The following EEF1AKMT1 variants were observed in gnomAD, a reference collection of about 807,000 sequenced individuals.
EEF1AKMT1 encodes the protein N-6 adenine-specific DNA methyltransferase 2 (putative).
EEF1AKMT1 carries 18 observed loss-of-function variants against 21.0 expected under a neutral mutation model. That is an observed-to-expected ratio of 0.86 (90% CI 0.59 to 1.27). The LOEUF (loss-of-function observed/expected upper bound fraction) is 1.27, where lower values mean the gene tolerates loss of function less well. EEF1AKMT1 is among the 50% of genes most tolerant of loss of function. The pLI, the probability that EEF1AKMT1 is intolerant of heterozygous loss-of-function variation, is 0.00. For synonymous variants in EEF1AKMT1, 109 were observed against 94.8 expected, an observed-to-expected ratio of 1.15 and a Z score of -0.87; for missense variants, 246 against 258.6, an observed-to-expected ratio of 0.95 and a Z score of 0.33.
chr13:20,730,953 A>T (rs911273832), intron 4 of EEF1AKMT1, among the ~76,000 whole-genome samples: 1 of 152,168 alleles, frequency 6.6e-6, no homozygotes, highest in Non-Finnish European at 1.5e-5. Context: ...TGTAACACAT[A>T]CCGCAAGGGT....
chr13:20,754,741 C>CA (rs56777421), intron 2 of EEF1AKMT1, among the ~76,000 whole-genome samples: 1,730 of 116,484 alleles, frequency 0.015, 13 homozygotes, highest in Middle Eastern at 0.022. Flanking sequence ...ACCAAAAATA[C>CA]AAAAAAAAAA....
In EEF1AKMT1 at chr13:20,764,279, G is replaced by A. The variant is rs200393527; in HGVS notation, c.-19-6662C>T. On this transcript the variant is annotated intron_variant, in intron 1 of 4. Coordinates refer to ENST00000382758, the MANE Select transcript of EEF1AKMT1 (RefSeq NM_001318939.2). ...TTCACCCATTTTCATTCAGTTCAGT[G>A]TACTTTTAAATTTCTCTCTGGCCCA... Among the ~76,000 whole-genome samples, 55 of 152,168 alleles carry A rather than the reference G, an allele frequency of 3.6e-4. No individual in the cohort carries two copies. The East Asian group carries it at 8.7e-3, about 24-fold the overall frequency.
Position 20,737,765 on chromosome 13 carries a change from T to C in EEF1AKMT1, c.185A>G (p.Gln62Arg). ...AGCTGCAATTGCCTCCTGTGCCAGCTGCAGAGCAGTTTCCTGACTATACCA... is the reference window on the plus strand; with the variant it reads ...AGCTGCAATTGCCTCCTGTGCCAGCCGCAGAGCAGTTTCCTGACTATACCA... ...QFWYSQETAL[Q>R]LAQEAIAAVG... The change falls in exon 3 of 5, where the codon CAG becomes CGG. Residue 62 changes from glutamine to arginine, a missense_variant. Physicochemically the swap from Gln to Arg is conservative, Grantham distance 43. Transcript: ENST00000382758. The C allele has an allele frequency of 6.2e-7, 1 of 1,613,134 alleles. No individual in the cohort carries two copies.
intron 2 of EEF1AKMT1, 79 bp downstream of exon 2, chr13:20,757,376 G>A (rs879448489): frequency 8.7e-5 from 132 of 1,518,400 alleles, no homozygotes; most frequent in Non-Finnish European, 1.1e-4. Context: ...TTTTAGGTGA[G>A]ACAGACAAAC....
At position 20,763,763 on chromosome 13, in the gene EEF1AKMT1, T is replaced by A. The variant is rs571489789; in HGVS notation, c.-19-6146A>T. 5.3e-5 allele frequency among the ~76,000 whole-genome samples: 8 copies of A among 152,272 alleles called. No homozygotes were observed. In the South Asian group the frequency reaches 1.7e-3, roughly 32 times the overall value. ...CCACCATGCCTGGCCTGAAAATTTCTTGTATGAGAGGCCTTTAACTGCAAA... is the reference window on the plus strand; with the variant it reads ...CCACCATGCCTGGCCTGAAAATTTCATGTATGAGAGGCCTTTAACTGCAAA... On this transcript the variant is annotated intron_variant, in intron 1 of 4. Transcript: ENST00000382758.
At chr13:20,742,103 G>A (rs1266970277) in intron 2 of EEF1AKMT1, among the ~76,000 whole-genome samples, 1 of 151,982 alleles carries the variant, frequency 6.6e-6, no homozygotes, top group Non-Finnish European at 1.5e-5. Flanking sequence ...TGGAATTCGT[G>A]GTTGAAGGGC....
chr13:20,753,051 T>C (rs1055309707), intron 2 of EEF1AKMT1, among the ~76,000 whole-genome samples: 2 of 152,130 alleles, frequency 1.3e-5, no homozygotes, highest in African/African-American at 2.4e-5. Flanking sequence ...GAAACCTTCC[T>C]ACTTTCTAGA....
intron 4 of EEF1AKMT1, 122 bp from the exon 5 acceptor site, chr13:20,729,338 G>T (rs1269642711): frequency 1.5e-5 from 17 of 1,113,146 alleles, no homozygotes; most frequent in South Asian, 4.4e-5. Flanking sequence ...ATTCACAAGT[G>T]GGGGGAGGGA....
At chr13:20,757,688 A>T (rs2058978744) in intron 1 of EEF1AKMT1, 71 bp from the exon 2 acceptor site, 1 of 1,277,244 alleles carries the variant, frequency 7.8e-7, no homozygotes, top group Admixed American at 2.6e-5. Context: ...ATTTTTAAAA[A>T]TTTTTATTTA....
chr13:20,734,306 G>A (rs919639552), intron 3 of EEF1AKMT1, among the ~76,000 whole-genome samples: 1 of 152,202 alleles, frequency 6.6e-6, no homozygotes, highest in African/African-American at 2.4e-5. Context: ...CAGAAAGACC[G>A]GTGGGTCTGG....
chr13:20,751,615 C>T (rs142138675), intron 2 of EEF1AKMT1, among the ~76,000 whole-genome samples: 38 of 151,824 alleles, frequency 2.5e-4, no homozygotes, highest in Middle Eastern at 3.4e-3. Flanking sequence ...TTGTTCTATT[C>T]GCTCAGGATT....
intron 1 of EEF1AKMT1, chr13:20,769,374 A>T (rs2141442004): frequency 6.6e-6 from 1 of 152,330 alleles, no homozygotes; most frequent in Non-Finnish European, 1.5e-5. Context: ...TGCAGGTGGC[A>T]GCCATTGTTG....
chr13:20,745,564 T>C (rs1303337906), intron 2 of EEF1AKMT1, among the ~76,000 whole-genome samples: 1 of 152,098 alleles, frequency 6.6e-6, no homozygotes, highest in Admixed American at 6.6e-5. Context: ...CAAAACAAGA[T>C]GGCAGGCCAG....
intron 1 of EEF1AKMT1, among the ~76,000 whole-genome samples, chr13:20,758,496 A>C (rs117575591): frequency 0.044 from 6,712 of 152,244 alleles, 243 homozygotes; most frequent in Non-Finnish European, 0.063. Context: ...ATATACATAC[A>C]ATAAACAAAT....
intron 2 of EEF1AKMT1, among the ~76,000 whole-genome samples, chr13:20,738,058 C>T (rs750403359): frequency 1.6e-4 from 24 of 152,200 alleles, no homozygotes; most frequent in Admixed American, 3.9e-4. Flanking sequence ...ATTACCACCA[C>T]AAAAGGAGAC....
intron 3 of EEF1AKMT1, among the ~76,000 whole-genome samples, chr13:20,736,840 C>G (rs1263268512): frequency 7.0e-6 from 1 of 143,418 alleles, no homozygotes. Flanking sequence ...CACGTTCAAG[C>G]AATTCTCCTG....
intron 3 of EEF1AKMT1, among the ~76,000 whole-genome samples, chr13:20,735,536 A>G (rs757099692): frequency 6.6e-6 from 1 of 152,182 alleles, no homozygotes; most frequent in Admixed American, 6.5e-5. Flanking sequence ...CCAGTCAGGA[A>G]TTAGGAGAAT....
chr13:20,748,507 T>C lies in EEF1AKMT1; in HGVS notation c.144+8948A>G, dbSNP rs1353185928. On this transcript the variant is annotated intron_variant, in intron 2 of 4. Transcript: ENST00000382758. ...AATAGTCTTCTATCCCATGACCCCC[T>C]GCCATTGAGCCTCACTCCTCAGAAG... Among the ~76,000 whole-genome samples the C allele has an allele frequency of 4.0e-5, 6 of 151,886 alleles. No homozygotes were observed. The East Asian group carries it at 1.2e-3, about 29-fold the overall frequency.
At chr13:20,739,770 T>G (rs1457279912) in intron 2 of EEF1AKMT1, among the ~76,000 whole-genome samples, 3 of 152,000 alleles carry the variant, frequency 2.0e-5, no homozygotes, top group African/African-American at 7.3e-5. Context: ...TACAATCTTT[T>G]AGCTAGATAC....
Sources: gnomAD v4.1 joint callset for allele counts (sites outside exome capture counted in the v4.1 genomes callset) on GRCh38, gnomAD v4.1.1 for gene constraint, MANE v1.5 for transcripts, NCBI Gene and HGNC (gene_info 2026-07-23, HGNC 2026-07-21) for gene names.